The following NCK2 variants were observed in gnomAD, a reference collection of about 807,000 sequenced individuals.
NCK2 encodes cytoplasmic protein NCK2.
A neutral mutation model predicts 33.9 loss-of-function variants in NCK2; 16 were observed. The ratio of observed to expected loss-of-function variants is 0.47; its 90% CI spans 0.32 to 0.72. The LOEUF (loss-of-function observed/expected upper bound fraction) is 0.72. Ranked by LOEUF, NCK2 falls within the 30% of genes least tolerant of loss-of-function variation. The pLI is 0.03. For missense variants in NCK2, 418 were observed against 537.3 expected, an observed-to-expected ratio of 0.78 and a Z score of 2.19; for synonymous variants, 273 against 239.9, an observed-to-expected ratio of 1.14 and a Z score of -1.27.
chr2:105,842,618 ATCTC>A (rs1472121692), intron 2 of NCK2, among the ~76,000 whole-genome samples: 1 of 152,218 alleles, frequency 6.6e-6, no homozygotes, highest in South Asian at 2.1e-4. Flanking sequence ...AGCCACTGAG[ATCTC>A]TCTAAGTGCT....
At chr2:105,815,037 A>G (rs751376214) in intron 1 of NCK2, among the ~76,000 whole-genome samples, 38 of 152,218 alleles carry the variant, frequency 2.5e-4, no homozygotes, top group Non-Finnish European at 4.6e-4. Context: ...CATGAGAAAC[A>G]AGAACTCTTG....
At chr2:105,836,826 A>G (rs1442969064) in intron 2 of NCK2, among the ~76,000 whole-genome samples, 2 of 152,170 alleles carry the variant, frequency 1.3e-5, no homozygotes, top group African/African-American at 2.4e-5. Context: ...GTGTGAATCC[A>G]GTCTCCAAAT....
chr2:105,807,798 TCCCTCCCTTCTA>T, intron 1 of NCK2, among the ~76,000 whole-genome samples: 2 of 70,842 alleles, frequency 2.8e-5, no homozygotes, highest in Non-Finnish European at 2.6e-5. Flanking sequence ...TCTCTCTCCC[TCCCTCCCTTCTA>T]TCTCTCCCTC....
intron 4 of NCK2, among the ~76,000 whole-genome samples, chr2:105,888,238 C>G (rs1277490868): frequency 6.6e-6 from 1 of 152,130 alleles, no homozygotes; most frequent in Non-Finnish European, 1.5e-5. Flanking sequence ...GTTCATTCTC[C>G]AGAACCATTG....
chr2:105,785,354 T>G (rs1206386451), intron 1 of NCK2, among the ~76,000 whole-genome samples: 1 of 152,160 alleles, frequency 6.6e-6, no homozygotes, highest in Non-Finnish European at 1.5e-5. Flanking sequence ...GGTTCCCCCG[T>G]CCTGGCCAAG....
chr2:105,890,359 C>T (rs979858475), intron 4 of NCK2, among the ~76,000 whole-genome samples: 2 of 152,200 alleles, frequency 1.3e-5, no homozygotes, highest in African/African-American at 4.8e-5. Context: ...TACCATGATT[C>T]ACTCCCATAC....
At chr2:105,802,650 C>T (rs1169328888) in intron 1 of NCK2, among the ~76,000 whole-genome samples, 2 of 152,194 alleles carry the variant, frequency 1.3e-5, no homozygotes, top group Non-Finnish European at 2.9e-5. Flanking sequence ...TGAGAACCCA[C>T]TCATCACCAC....
At chr2:105,888,426 C>T (rs954756481) in intron 4 of NCK2, among the ~76,000 whole-genome samples, 25 of 152,178 alleles carry the variant, frequency 1.6e-4, no homozygotes, top group African/African-American at 5.3e-4. Flanking sequence ...GTAGGAAATG[C>T]GGACAGTGGG....
At chr2:105,822,921 C>A (rs1675798167) in intron 2 of NCK2, among the ~76,000 whole-genome samples, 2 of 151,994 alleles carry the variant, frequency 1.3e-5, no homozygotes, top group South Asian at 4.1e-4. Context: ...GTGTCTCACA[C>A]CTGAATGTTG....
At chr2:105,778,275 A>G (rs189677947) in intron 1 of NCK2, among the ~76,000 whole-genome samples, 3 of 152,200 alleles carry the variant, frequency 2.0e-5, no homozygotes, top group Admixed American at 6.5e-5. Flanking sequence ...TGTGGTAGTG[A>G]CCTTTGCCAA....
At chr2:105,847,328 AAAG>A (rs1020681017) in intron 2 of NCK2, 1 of 152,198 alleles carries the variant, frequency 6.6e-6, no homozygotes, top group African/African-American at 2.4e-5. Context: ...TGAAAAAAAA[AAAG>A]AATATGGTTA....
intron 4 of NCK2, among the ~76,000 whole-genome samples, chr2:105,882,822 A>G (rs752907062): frequency 1.3e-5 from 2 of 152,210 alleles, no homozygotes; most frequent in Non-Finnish European, 2.9e-5. Flanking sequence ...CAATCGAGAG[A>G]CTTCCAAAAC....
At chr2:105,760,656 C>CT (rs1316676234) in intron 1 of NCK2, among the ~76,000 whole-genome samples, 1 of 152,194 alleles carries the variant, frequency 6.6e-6, no homozygotes, top group African/African-American at 2.4e-5. Flanking sequence ...CTTCATCCTT[C>CT]TTTTGGTGGG....
In NCK2 at chr2:105,877,581, C is replaced by T. The variant is rs920706800; in HGVS notation, c.227-3747C>T. On this transcript the variant is annotated intron_variant, in intron 3 of 4. Transcript: ENST00000233154. The stretch of plus-strand genomic sequence containing the variant: ...CCTCTTCCATCTGGAGACACAGGGG[C>T]CTCTTCATTCTGTAGAGAAAGAGAA... Among the ~76,000 whole-genome samples, 4 of 152,296 alleles carry T rather than the reference C, an allele frequency of 2.6e-5. No individual in the cohort carries two copies. The East Asian group carries it at 7.7e-4, about 29-fold the overall frequency.
intron 2 of NCK2, chr2:105,847,370 A>G (rs1217153901): frequency 1.3e-5 from 2 of 152,212 alleles, no homozygotes; most frequent in African/African-American, 2.4e-5. Context: ...AATATATTTT[A>G]TCACAACTTT....
intron 1 of NCK2, among the ~76,000 whole-genome samples, chr2:105,750,056 A>ACACACACACACG (rs1295991708): frequency 2.0e-5 from 3 of 151,588 alleles, no homozygotes; most frequent in Non-Finnish European, 4.4e-5. Context: ...ACACACACAC[A>ACACACACACACG]CACACACACA....
intron 1 of NCK2, among the ~76,000 whole-genome samples, chr2:105,763,705 A>C (rs1689840280): frequency 6.6e-6 from 1 of 152,154 alleles, no homozygotes; most frequent in Admixed American, 6.5e-5. Context: ...AATGACTTAA[A>C]ATCTCTTGTG....
intron 2 of NCK2, among the ~76,000 whole-genome samples, chr2:105,819,025 A>G (rs1163038853): frequency 6.6e-6 from 1 of 152,190 alleles, no homozygotes; most frequent in Non-Finnish European, 1.5e-5. Context: ...GTTACGCTTT[A>G]TGTTATCTTT....
rs578058134 is a variant in NCK2, at chr2:105,768,654, T to C, written c.-201+23516T>C. On this transcript the variant is annotated intron_variant, in intron 1 of 4. Transcript: ENST00000233154. ...CCCAACACAAATACTTAAACTTTCT[T>C]AAAACATGATGAGTTTTTTTTGAAA... 2.0e-5 allele frequency among the ~76,000 whole-genome samples: 3 copies of C among 152,374 alleles called. No individual in the cohort carries two copies. The East Asian group carries it at 5.8e-4, about 29-fold the overall frequency.
Sources: allele counts gnomAD v4.1 joint callset (sites outside exome capture counted in the v4.1 genomes callset), GRCh38; gene constraint gnomAD v4.1.1; transcripts MANE v1.5; gene names NCBI Gene and HGNC (gene_info 2026-07-23, HGNC 2026-07-21).